The following RHOBTB3 variants were observed in gnomAD, a reference collection of about 807,000 sequenced individuals.
The protein encoded by RHOBTB3 is rho-related BTB domain-containing protein 3.
RHOBTB3 carries 47 observed loss-of-function variants against 67.2 expected under a neutral mutation model. That is an observed-to-expected ratio of 0.70 (90% CI 0.55 to 0.89). RHOBTB3 has a LOEUF of 0.89. Among genes scored for constraint, RHOBTB3 ranks in the 40% least tolerant of loss-of-function variants. The pLI, the probability that RHOBTB3 is intolerant of heterozygous loss-of-function variation, is 0.00. For synonymous variants in RHOBTB3, 273 were observed against 274.2 expected (o/e 1.00, Z 0.04); for missense variants, 631 against 750.0 (o/e 0.84, Z 1.85).
At position 95,783,858 on chromosome 5, in the gene RHOBTB3, G is replaced by A. The variant is rs1378038948; in HGVS notation, c.1518G>A (p.Leu506=). 1 of 1,613,878 alleles carries A rather than the reference G, an allele frequency of 6.2e-7. No homozygotes were observed. Among genetic ancestry groups the A allele is most frequent in the Middle Eastern group, 1.6e-4 (1 of 6,062 alleles). Residue 506 remains leucine (L), a synonymous_variant, in exon 10 of 12, where the codon CTG becomes CTA. Transcript: ENST00000379982. ...CCGAGATGTACCAAGTGTCCAGACTGCAGCACATCTGTGAGCTGTTCATCA... is the reference window on the plus strand; with the variant it reads ...CCGAGATGTACCAAGTGTCCAGACTACAGCACATCTGTGAGCTGTTCATCA... The part of the protein sequence containing the change: ...ICAEMYQVSR[L]QHICELFIIT...
chr5:95,735,647 A>T (rs1755437757), intron 2 of RHOBTB3, among the ~76,000 whole-genome samples: 1 of 152,244 alleles, frequency 6.6e-6, no homozygotes, highest in Non-Finnish European at 1.5e-5. Context: ...ATTACATCCT[A>T]GAAATGTGTA....
rs1478421890 is a variant in RHOBTB3, at chr5:95,731,633, TGAGCCGCTGCTTTTCTCC to T, written c.-46_-29del. The T allele has an allele frequency of 6.2e-7, 1 of 1,611,478 alleles. No homozygotes were observed. Among genetic ancestry groups the T allele is most frequent in the Admixed American group, 1.7e-5 (1 of 59,814 alleles). On this transcript the variant is annotated 5_prime_UTR_variant, in exon 1 of 12. Transcript: ENST00000379982. ...GCCGCCCGGGGGCCCCGCGAAGCCG[TGAGCCGCTGCTTTTCTCC>T]GAGTCGCCGCCCTGCCCTTGGATTT...
intron 1 of RHOBTB3, among the ~76,000 whole-genome samples, chr5:95,718,232 T>C (rs1229507520): frequency 6.6e-6 from 1 of 152,170 alleles, no homozygotes; most frequent in East Asian, 1.9e-4. Flanking sequence ...GACTTGCATA[T>C]GTTTAAATGC....
At chr5:95,757,830 G>T (rs1178340747) in intron 6 of RHOBTB3, among the ~76,000 whole-genome samples, 3 of 152,198 alleles carry the variant, frequency 2.0e-5, no homozygotes, top group Non-Finnish European at 4.4e-5. Context: ...GTAGGCTCCA[G>T]TAGCCGGGCA....
At chr5:95,759,336 C>G (rs1745333783) in intron 6 of RHOBTB3, among the ~76,000 whole-genome samples, 1 of 152,258 alleles carries the variant, frequency 6.6e-6, no homozygotes, top group African/African-American at 2.4e-5. Flanking sequence ...GGGAAAATAA[C>G]TGGTTCTGCA....
At position 95,731,564 on chromosome 5, in the gene RHOBTB3, G is replaced by A; in HGVS notation, c.-119G>A. 6.7e-7 allele frequency: 1 copy of A among 1,489,986 alleles called. No homozygotes were observed. Among genetic ancestry groups the A allele is most frequent in the East Asian group, 2.7e-5 (1 of 36,664 alleles). 92.3% of individuals were successfully genotyped at this position (1,489,986 alleles called of 1,614,324 possible). A position where few individuals can be genotyped will look rare whatever the true frequency, so the allele number is the denominator to read the frequency against. ...GTCGGCCCCGCCGCGGTGGAGGCGC[G>A]CGAGGGGGACGCGGCCGGGGATGAG... On this transcript the variant is annotated 5_prime_UTR_variant, in exon 1 of 12. Transcript: ENST00000379982.
intron 7 of RHOBTB3, among the ~76,000 whole-genome samples, chr5:95,766,852 ACT>A (rs1190134838): frequency 1.3e-5 from 2 of 151,920 alleles, no homozygotes; most frequent in Non-Finnish European, 2.9e-5. Context: ...AACCCAGGAA[ACT>A]CTTTATAGGT....
intron 4 of RHOBTB3, among the ~76,000 whole-genome samples, chr5:95,749,656 C>T (rs146702544): frequency 1.9e-4 from 29 of 152,176 alleles, no homozygotes; most frequent in African/African-American, 6.5e-4. Flanking sequence ...CTTAATTTGG[C>T]GAAGAATGGT....
chr5:95,781,540 T>C (rs1462527803), intron 9 of RHOBTB3: 1 of 152,284 alleles, frequency 6.6e-6, no homozygotes, highest in Non-Finnish European at 1.5e-5. Context: ...CCAGTTGCAG[T>C]TGTTTCTGTC....
chr5:95,764,737 AC>A (rs1745493340), intron 7 of RHOBTB3, among the ~76,000 whole-genome samples: 1 of 152,212 alleles, frequency 6.6e-6, no homozygotes, highest in Non-Finnish European at 1.5e-5. Flanking sequence ...GTTTTCTAAA[AC>A]CTGTTAACAT....
chr5:95,776,523 T>G (rs1745887597), intron 8 of RHOBTB3, among the ~76,000 whole-genome samples: 1 of 152,208 alleles, frequency 6.6e-6, no homozygotes, highest in Non-Finnish European at 1.5e-5. Context: ...ATGTAATAAG[T>G]CTTTGGCTTC....
In RHOBTB3 at chr5:95,748,357, T is replaced by C. The variant is rs1188653364; in HGVS notation, c.440T>C (p.Leu147Pro). ...GAAGAGTTACCTTGTACATGCCCAC[T>C]ATGTACCTCAGACAGAGGGAGCTGT... ...QNEELPCTCP[L>P]CTSDRGSCVS... is the part of the protein sequence containing the mutation. The change falls in exon 4 of 12, where the codon CTA (leucine) becomes CCA (proline). Residue 147 changes from leucine (L) to proline (P), a missense_variant. By Grantham distance (98) the Leu-to-Pro change is moderately conservative. Transcript: ENST00000379982. 1 of 1,610,686 alleles carries C rather than the reference T, an allele frequency of 6.2e-7. No individual in the cohort carries two copies. Among genetic ancestry groups the C allele is most frequent in the Admixed American group, 1.7e-5 (1 of 59,674 alleles).
In RHOBTB3 at chr5:95,752,233, T is replaced by C. The variant is rs1273525622; in HGVS notation, c.571-6T>C. 1 of 1,489,760 alleles carries C rather than the reference T, an allele frequency of 6.7e-7. No homozygotes were observed. The highest frequency in any genetic ancestry group is 2.3e-5 in the East Asian group (1 of 43,932). 92.3% of individuals were successfully genotyped at this position (1,489,760 alleles called of 1,614,324 possible). Reference sequence around the variant, plus strand: ...ATCTTCAATTAAAATTTGATTCCTGTTTTAGTTGGAGTATTTTATGATTCA... The same window carrying C: ...ATCTTCAATTAAAATTTGATTCCTGCTTTAGTTGGAGTATTTTATGATTCA... On this transcript the variant is annotated splice_region_variant and splice_polypyrimidine_tract_variant and intron_variant, in intron 4 of 11. Transcript: ENST00000379982.
chr5:95,744,497 G>A (rs1755695143), intron 3 of RHOBTB3, among the ~76,000 whole-genome samples: 1 of 152,066 alleles, frequency 6.6e-6, no homozygotes. Flanking sequence ...CACTTGATGT[G>A]TGGTAGGTAC....
chr5:95,732,434 T>C (rs1015886755), intron 2 of RHOBTB3: 28 of 527,910 alleles, frequency 5.3e-5, no homozygotes, highest in Non-Finnish European at 9.1e-5. Context: ...TTTTTATGTC[T>C]ACCCTATGGG....
chr5:95,752,690 A>T (rs1745123546), intron 5 of RHOBTB3, among the ~76,000 whole-genome samples: 1 of 152,240 alleles, frequency 6.6e-6, no homozygotes, highest in Non-Finnish European at 1.5e-5. Context: ...GGTTCAATAA[A>T]AACATCTAAA....
chr5:95,778,298 C>T (rs113780189), intron 8 of RHOBTB3, among the ~76,000 whole-genome samples: 5,526 of 152,010 alleles, frequency 0.036, 137 homozygotes, highest in African/African-American at 0.066. Context: ...CTTACAATAC[C>T]TAATACAATG....
chr5:95,769,078 G>A (rs1745632088), intron 8 of RHOBTB3: 3 of 363,108 alleles, frequency 8.3e-6, no homozygotes, highest in South Asian at 2.7e-5. Context: ...TGCCAAACAT[G>A]TAAAATTTGG....
At chr5:95,766,316 C>G (rs941127394) in intron 7 of RHOBTB3, among the ~76,000 whole-genome samples, 1 of 151,554 alleles carries the variant, frequency 6.6e-6, no homozygotes, top group Admixed American at 6.6e-5. Context: ...CCTAGCTAGG[C>G]AAGCAGAGGA....
Sources: gnomAD v4.1 joint callset for allele counts (sites outside exome capture counted in the v4.1 genomes callset) on GRCh38, gnomAD v4.1.1 for gene constraint, MANE v1.5 for transcripts, NCBI Gene and HGNC (gene_info 2026-07-23, HGNC 2026-07-21) for gene names.